CNDP2: variants seen among roughly 807,000 people sequenced by gnomAD.
CNDP2 encodes carnosine dipeptidase 2, also known as cytosolic non-specific dipeptidase.
Under a neutral mutation model 55.0 loss-of-function variants are expected in CNDP2, and 38 were observed. The ratio of observed to expected loss-of-function variants is 0.69; its 90% CI spans 0.53 to 0.90. CNDP2 has a LOEUF of 0.90. CNDP2 is among the 40% of genes least tolerant of loss of function. The pLI is 0.00. For synonymous variants in CNDP2, 241 were observed against 260.2 expected (o/e 0.93, Z 0.71); for missense variants, 607 against 621.7 (o/e 0.98, Z 0.25).
chr18:74,519,129 C>A (rs1568283961), intron 11 of CNDP2, 33 bp downstream of exon 11: 1 of 1,576,542 alleles, frequency 6.3e-7, no homozygotes, highest in Non-Finnish European at 8.6e-7. Context: ...AGGTTGGCGT[C>A]TCCTGCACAG....
chr18:74,512,652 A>G, intron 7 of CNDP2, 120 bp downstream of exon 7: 1 of 783,970 alleles, frequency 1.3e-6, no homozygotes, highest in Non-Finnish European at 2.1e-6. Flanking sequence ...CTTCTGTCTC[A>G]GTTTCCTACT....
At chr18:74,515,452 C>G (rs181088633) in intron 8 of CNDP2, among the ~76,000 whole-genome samples, 2 of 152,254 alleles carry the variant, frequency 1.3e-5, no homozygotes, top group East Asian at 3.9e-4. Context: ...GACCCTCAGG[C>G]TCGTGTTTGC....
At chr18:74,516,711 G>T (rs998796226) in intron 9 of CNDP2, 10 of 237,430 alleles carry the variant, frequency 4.2e-5, no homozygotes, top group Non-Finnish European at 8.2e-5. Flanking sequence ...TTACCATGGT[G>T]CCTTGTGGAG....
intron 8 of CNDP2, 46 bp from the exon 9 acceptor site, chr18:74,516,182 G>A (rs1050197237): frequency 1.2e-5 from 19 of 1,559,026 alleles, no homozygotes; most frequent in Non-Finnish European, 1.7e-5. Context: ...AGACAGGGCT[G>A]GCACTGAATG....
chr18:74,508,032 T>C (rs1188258618), intron 4 of CNDP2: 2 of 152,258 alleles, frequency 1.3e-5, no homozygotes, highest in African/African-American at 4.8e-5. Flanking sequence ...CATACTACCT[T>C]GGGCTGGGGC....
chr18:74,499,149 G>A (rs576279114), intron 1 of CNDP2, among the ~76,000 whole-genome samples: 22 of 152,204 alleles, frequency 1.4e-4, no homozygotes, highest in African/African-American at 1.9e-4. Context: ...TCATGTCCCC[G>A]CAGTTTTGAA....
At chr18:74,516,750 G>T in intron 9 of CNDP2, 1 of 192,460 alleles carries the variant, frequency 5.2e-6, no homozygotes, top group African/African-American at 2.3e-5. Context: ...GGTCAGCCCA[G>T]CTTCTGACTG....
Position 74,509,980 on chromosome 18 carries a change from G to A in CNDP2, c.457-833G>A, listed in dbSNP as rs1031983954. 2.6e-5 allele frequency among the ~76,000 whole-genome samples: 4 copies of A among 152,352 alleles called. No individual in the cohort carries two copies. The East Asian group carries it at 7.7e-4, about 29-fold the overall frequency. On this transcript the variant is annotated intron_variant, in intron 5 of 11. Transcript: ENST00000324262. Reference sequence around the variant, plus strand: ...CAGAACCACCTGGCCTGGTGCGGCCGAGCCTGCATGCTGGGCGGGAACTAG... The same window carrying A: ...CAGAACCACCTGGCCTGGTGCGGCCAAGCCTGCATGCTGGGCGGGAACTAG...
intron 10 of CNDP2, 46 bp downstream of exon 10, chr18:74,518,686 C>A (rs200539381): frequency 6.2e-7 from 1 of 1,611,380 alleles, no homozygotes; most frequent in Non-Finnish European, 8.5e-7. Context: ...GCCCTTCGCA[C>A]GTCTGACAGG....
intron 4 of CNDP2, among the ~76,000 whole-genome samples, chr18:74,506,856 T>A (rs990111725): frequency 6.6e-6 from 1 of 152,300 alleles, no homozygotes; most frequent in African/African-American, 2.4e-5. Flanking sequence ...CTGCTTTCAT[T>A]TCTGAATTTC....
At position 74,519,197 on chromosome 18, in the gene CNDP2, G is replaced by C. The variant is rs1179053668; in HGVS notation, c.1358+101G>C. The stretch of plus-strand genomic sequence containing the variant: ...TGCAGCTGCCAAGAGAAGCAGGTGG[G>C]GGTGATGGCCCCGTGACCTGCCCTC... On this transcript the variant is annotated intron_variant, in intron 11 of 11. Coordinates refer to ENST00000324262, the MANE Select transcript of CNDP2 (RefSeq NM_018235.3). 7 of 1,435,926 alleles carry C rather than the reference G, an allele frequency of 4.9e-6. No individual in the cohort carries two copies. In the Admixed American group the frequency reaches 1.7e-4, roughly 35 times the overall value. The allele number at this position is 1,435,926 out of a possible 1,614,324, so 88.9% of individuals were successfully genotyped here.
chr18:74,506,450 C>T (rs1307593046), intron 4 of CNDP2, among the ~76,000 whole-genome samples: 1 of 152,166 alleles, frequency 6.6e-6, no homozygotes, highest in African/African-American at 2.4e-5. Flanking sequence ...CTGTTTTTAA[C>T]GTAAGCTAGA....
intron 9 of CNDP2, 166 bp downstream of exon 9, chr18:74,516,558 A>G (rs919578622): frequency 7.1e-6 from 5 of 700,330 alleles, no homozygotes; most frequent in African/African-American, 1.8e-5. Context: ...AAGCTAATCA[A>G]AGATAATGCA....
At chr18:74,500,834 G>A (rs893946308) in intron 2 of CNDP2, among the ~76,000 whole-genome samples, 1 of 152,208 alleles carries the variant, frequency 6.6e-6, no homozygotes, top group Admixed American at 6.5e-5. Context: ...TCACATGAAA[G>A]GGTCGTGATT....
At chr18:74,515,641 G>C (rs1212017379) in intron 8 of CNDP2, among the ~76,000 whole-genome samples, 1 of 152,172 alleles carries the variant, frequency 6.6e-6, no homozygotes, top group African/African-American at 2.4e-5. Context: ...GATGCAGGGG[G>C]CGGGGGCAGG....
intron 1 of CNDP2, chr18:74,497,405 C>A (rs1978471618): frequency 6.6e-6 from 1 of 152,244 alleles, no homozygotes; most frequent in Admixed American, 6.5e-5. Flanking sequence ...ATTCTCAGAA[C>A]TAGAAGACTC....
chr18:74,503,303 G>A (rs186437954), intron 3 of CNDP2, among the ~76,000 whole-genome samples: 1 of 152,296 alleles, frequency 6.6e-6, no homozygotes, highest in African/African-American at 2.4e-5. Flanking sequence ...ATCTTCTGCA[G>A]AGATGCTTGC....
chr18:74,506,964 C>G (rs377625088), intron 4 of CNDP2: 2 of 152,282 alleles, frequency 1.3e-5, no homozygotes, highest in East Asian at 1.9e-4. Context: ...CTCATCGAAG[C>G]CCTTCCAACT....
At position 74,518,846 on chromosome 18, in the gene CNDP2, C is replaced by T. The variant is rs1416762486; in HGVS notation, c.1211-103C>T. The T allele has an allele frequency of 2.6e-6, 4 of 1,532,382 alleles. No homozygotes were observed. In the African/African-American group the frequency reaches 4.1e-5, roughly 16 times the overall value. The allele number at this position is 1,532,382 out of a possible 1,614,324, so 94.9% of individuals were successfully genotyped here. A position where few individuals can be genotyped will look rare whatever the true frequency, so the allele number is the denominator to read the frequency against. On this transcript the variant is annotated intron_variant, in intron 10 of 11. Coordinates refer to ENST00000324262, the MANE Select transcript of CNDP2 (RefSeq NM_018235.3). ...AACGCGGGCTTGCTGTCCCCAGGGCCTTGCACAGCATCTGACTGAGTGCTA... is the reference window on the plus strand; with the variant it reads ...AACGCGGGCTTGCTGTCCCCAGGGCTTTGCACAGCATCTGACTGAGTGCTA...
Sources: allele counts gnomAD v4.1 joint callset (sites outside exome capture counted in the v4.1 genomes callset), GRCh38; gene constraint gnomAD v4.1.1; transcripts MANE v1.5; gene names NCBI Gene and HGNC (gene_info 2026-07-23, HGNC 2026-07-21).